Variants in FOXM1 observed in about 807,000 individuals in gnomAD.
The protein encoded by FOXM1 is forkhead box protein M1.
In FOXM1, 25 loss-of-function variants were observed where a neutral mutation model predicts 63.6. The ratio of observed to expected loss-of-function variants is 0.39; its 90% CI spans 0.29 to 0.55. FOXM1 has a LOEUF of 0.55. FOXM1 is among the 20% of genes least tolerant of loss of function. The pLI, the probability that FOXM1 is intolerant of heterozygous loss-of-function variation, is 0.60. For synonymous variants in FOXM1, 387 were observed against 376.9 expected (o/e 1.03, Z -0.31); for missense variants, 879 against 958.7 (o/e 0.92, Z 1.10).
At position 2,864,512 on chromosome 12, in the gene FOXM1, G is replaced by C. The variant is rs200224032; in HGVS notation, c.1091-17C>G. On this transcript the variant is annotated splice_polypyrimidine_tract_variant and intron_variant, in intron 7 of 8. Coordinates refer to ENST00000359843, the MANE Select transcript of FOXM1 (RefSeq NM_021953.4). This position sits in a 1 kb window ranked among gnomAD's most constrained non-coding sequence, Gnocchi z 5.1. ...TCTTCCGCCCTAGGAGGAAACACGA[G>C]AGATCAGGAGCAGGGGGACTGGAGT... is the stretch of plus-strand genomic sequence containing the variant. 1 of 1,606,820 alleles carries C rather than the reference G, an allele frequency of 6.2e-7. No individual in the cohort carries two copies.
chr12:2,872,256 A>G lies in FOXM1; in HGVS notation c.503-9T>C, dbSNP rs1442504298. 2 of 1,613,568 alleles carry G rather than the reference A, an allele frequency of 1.2e-6. No individual in the cohort carries two copies. The highest frequency in any genetic ancestry group is 1.7e-4 in the Middle Eastern group (1 of 6,012). On this transcript the variant is annotated splice_polypyrimidine_tract_variant and intron_variant, in intron 2 of 8. Transcript: ENST00000359843. The surrounding 1 kb of genome is among the most constrained non-coding windows in gnomAD (Gnocchi z 4.0). ...TGCTGCCTCACCATCTGCTAGAGGGAAAATAATCCAACACCCCACTTAGCT... is the reference window on the plus strand; with the variant it reads ...TGCTGCCTCACCATCTGCTAGAGGGGAAATAATCCAACACCCCACTTAGCT...
intron 8 of FOXM1, among the ~76,000 whole-genome samples, chr12:2,862,061 C>G (rs146788556): frequency 6.6e-6 from 1 of 151,912 alleles, no homozygotes; most frequent in East Asian, 1.9e-4. Context: ...CGCCTGTGAT[C>G]GCAGCTACTC....
chr12:2,859,110 GGCA>G lies in FOXM1; in HGVS notation c.1817_1819del (p.Leu606del). 2 of 1,605,986 alleles carry G rather than the reference GGCA, an allele frequency of 1.2e-6. No individual in the cohort carries two copies. The highest frequency in any genetic ancestry group is 2.2e-5 in the East Asian group (1 of 44,770). ...AGATTTGCTCGGGGTGGAGGAGATG[GGCA>G]GCGTTTCCTTAATGGGTGTCTTAAA... On this transcript the variant is annotated inframe_deletion, in exon 9 of 9. Transcript: ENST00000359843.
chr12:2,864,380 C>T lies in FOXM1; in HGVS notation c.1206G>A (p.Ala402=), dbSNP rs371560138. 1.2e-5 allele frequency: 20 copies of T among 1,614,092 alleles called. No homozygotes were observed. Among genetic ancestry groups the T allele is most frequent in the Middle Eastern group, 3.3e-4 (2 of 6,060 alleles). The part of the protein sequence containing the change: ...QPSVKVPLPL[A]ASLMSSELAR... ...CAAGCTCTGAGCTCATGAGGGAAGCCGCCAGGGGCAATGGCACCTTCACCG... is the reference window on the plus strand; with the variant it reads ...CAAGCTCTGAGCTCATGAGGGAAGCTGCCAGGGGCAATGGCACCTTCACCG... The change falls in exon 8 of 9, where the codon GCG becomes GCA. Residue 402 remains alanine, a synonymous_variant. Coordinates refer to ENST00000359843, the MANE Select transcript of FOXM1 (RefSeq NM_021953.4). The surrounding 1 kb of genome is among the most constrained non-coding windows in gnomAD (Gnocchi z 5.1).
At chr12:2,860,848 T>TAG (rs1398966946) in intron 8 of FOXM1, among the ~76,000 whole-genome samples, 1 of 121,220 alleles carries the variant, frequency 8.2e-6, no homozygotes, top group Non-Finnish European at 1.7e-5. Context: ...CTGGGTGACA[T>TAG]AGCAAGACTC....
intron 1 of FOXM1, among the ~76,000 whole-genome samples, chr12:2,875,927 A>T (rs1403404520): frequency 2.1e-5 from 3 of 141,518 alleles, no homozygotes; most frequent in Non-Finnish European, 4.7e-5. Flanking sequence ...TGCCCAGCTA[A>T]TTTTTTTTTT....
At chr12:2,862,073 G>C (rs530320670) in intron 8 of FOXM1, among the ~76,000 whole-genome samples, 27 of 152,094 alleles carry the variant, frequency 1.8e-4, no homozygotes, top group Admixed American at 7.9e-4. Flanking sequence ...CAGCTACTCA[G>C]GAGGCCGAGG....
rs996056699 is a variant in FOXM1 at position 2,865,668 on chromosome 12, T to C, written c.976-269A>G. Reference sequence around the variant, plus strand: ...CTTTTTTTTTTTTTTTTTTTTTTTTTTGAGACAGACTTTCACTCTTATTGC... The same window carrying C: ...CTTTTTTTTTTTTTTTTTTTTTTTTCTGAGACAGACTTTCACTCTTATTGC... On this transcript the variant is annotated intron_variant, in intron 5 of 8. Transcript: ENST00000359843. Among the ~76,000 whole-genome samples the C allele has an allele frequency of 7.5e-4, 103 of 136,720 alleles. 1 individual carries two copies. The highest frequency in any genetic ancestry group is 3.5e-3 in the Middle Eastern group (1 of 282). 89.7% of individuals were successfully genotyped at this position (136,720 alleles called of 152,430 possible). A position where few individuals can be genotyped will look rare whatever the true frequency, so the allele number is the denominator to read the frequency against.
chr12:2,865,422 G>T, intron 5 of FOXM1, 23 bp from the exon 6 acceptor site: 1 of 1,605,242 alleles, frequency 6.2e-7, no homozygotes, highest in Non-Finnish European at 8.5e-7. Context: ...AGGCATTGTG[G>T]GAGAGAAATG....
chr12:2,870,997 T>C (rs1286915003), intron 3 of FOXM1, among the ~76,000 whole-genome samples: 1 of 140,462 alleles, frequency 7.1e-6, no homozygotes, highest in African/African-American at 2.7e-5. Flanking sequence ...GAGCTAAACA[T>C]TGAGCACACA....
chr12:2,872,880 C>G lies in FOXM1; in HGVS notation c.503-633G>C, dbSNP rs565312400. ...CAGCCTGGGCAATATAGTGGGACCCCATCTCTGCAAAAAGAAAAAAAAAAT... is the reference window on the plus strand; with the variant it reads ...CAGCCTGGGCAATATAGTGGGACCCGATCTCTGCAAAAAGAAAAAAAAAAT... On this transcript the variant is annotated intron_variant, in intron 2 of 8. Transcript: ENST00000359843. This position sits in a 1 kb window ranked among gnomAD's most constrained non-coding sequence, Gnocchi z 4.0. 1.8e-4 allele frequency among the ~76,000 whole-genome samples: 28 copies of G among 151,998 alleles called. No homozygotes were observed. The South Asian group carries it at 5.2e-3, about 28-fold the overall frequency.
chr12:2,873,595 T>C (rs972088057), intron 2 of FOXM1, among the ~76,000 whole-genome samples: 1 of 151,530 alleles, frequency 6.6e-6, no homozygotes, highest in African/African-American at 2.4e-5. Flanking sequence ...TATTTTTTTT[T>C]TTGAGACAGA....
chr12:2,867,905 G>A, intron 4 of FOXM1, among the ~76,000 whole-genome samples: 1 of 149,808 alleles, frequency 6.7e-6, no homozygotes, highest in East Asian at 2.0e-4. Context: ...TTGAACCTTG[G>A]AGGCGGAGGA....
intron 1 of FOXM1, among the ~76,000 whole-genome samples, chr12:2,875,885 C>T (rs1432570726): frequency 2.0e-5 from 3 of 151,592 alleles, no homozygotes; most frequent in East Asian, 3.9e-4. Context: ...CTCAGCCTCC[C>T]GAGTAGCTGC....
rs764047099 is a variant in FOXM1, at chr12:2,858,869, G to T, written c.2061C>A (p.Val687=). ...LSSEPLDLIS[V]PFGNSSPSDI... ...CTGAGGGAGAAGAGTTGCCAAAGGGGACGGAGATGAGGTCTAAGGGTTCTG... is the reference window on the plus strand; with the variant it reads ...CTGAGGGAGAAGAGTTGCCAAAGGGTACGGAGATGAGGTCTAAGGGTTCTG... Residue 687 remains valine (V), a synonymous_variant, in exon 9 of 9, where the codon GTC becomes GTA. Coordinates refer to ENST00000359843, the MANE Select transcript of FOXM1 (RefSeq NM_021953.4). 3 of 1,614,168 alleles carry T rather than the reference G, an allele frequency of 1.9e-6. No individual in the cohort carries two copies. The highest frequency in any genetic ancestry group is 1.1e-5 in the South Asian group (1 of 91,078).
intron 1 of FOXM1, among the ~76,000 whole-genome samples, chr12:2,875,927 ATT>A (rs61158737): frequency 0.31 from 43,604 of 141,462 alleles, 7,802 homozygotes; most frequent in African/African-American, 0.51. Flanking sequence ...TGCCCAGCTA[ATT>A]TTTTTTTTTT....
Position 2,868,558 on chromosome 12 carries a change from A to G in FOXM1, c.846+5T>C, listed in dbSNP as rs2098127654. ...CTTGATTTTGGTTGCTGTGGGACAC[A>G]TTACCTTCCAGCCTGGCTTGGCAAT... On this transcript the variant is annotated splice_donor_5th_base_variant and intron_variant, in intron 4 of 8. Coordinates refer to ENST00000359843, the MANE Select transcript of FOXM1 (RefSeq NM_021953.4). 6.2e-7 allele frequency: 1 copy of G among 1,604,004 alleles called. No individual in the cohort carries two copies. The highest frequency in any genetic ancestry group is 8.5e-7 in the Non-Finnish European group (1 of 1,174,310).
intron 8 of FOXM1, among the ~76,000 whole-genome samples, chr12:2,862,111 G>A (rs1354960011): frequency 6.6e-5 from 10 of 151,692 alleles, no homozygotes; most frequent in African/African-American, 9.7e-5. Flanking sequence ...CCCAGGAGGC[G>A]GAGGTTGCAG....
intron 2 of FOXM1, among the ~76,000 whole-genome samples, chr12:2,873,221 AC>A (rs2098136163): frequency 1.3e-5 from 2 of 151,392 alleles, no homozygotes. Context: ...AACATGGCAA[AC>A]CCCTGTCTCT....
Sources: gnomAD v4.1 joint callset for allele counts (sites outside exome capture counted in the v4.1 genomes callset) on GRCh38, gnomAD v4.1.1 for gene constraint, Gnocchi (gnomAD v3.1) non-coding constraint, MANE v1.5 for transcripts, NCBI Gene and HGNC (gene_info 2026-07-23, HGNC 2026-07-21) for gene names.